The following SNX29 variants were observed in gnomAD, a reference collection of about 807,000 sequenced individuals.
SNX29 encodes the protein sorting nexin-29.
A neutral mutation model predicts 102.1 loss-of-function variants in SNX29; 78 were observed. That is an observed-to-expected ratio of 0.76 (90% CI 0.64 to 0.92). The LOEUF (loss-of-function observed/expected upper bound fraction) is 0.92. SNX29 is among the 40% of genes least tolerant of loss of function. The pLI is 0.00. For missense variants in SNX29, 1,280 were observed against 1,061.7 expected, an observed-to-expected ratio of 1.21 and a Z score of -2.86; for synonymous variants, 580 against 414.5, an observed-to-expected ratio of 1.40 and a Z score of -4.85.
chr16:12,550,569 A>G (rs916494444), intron 20 of SNX29, among the ~76,000 whole-genome samples: 10 of 151,910 alleles, frequency 6.6e-5, no homozygotes, highest in Non-Finnish European at 1.0e-4. Context: ...ATATGAGGAT[A>G]TATACTTCCA....
chr16:12,546,862 G>T (rs2077638376), intron 20 of SNX29, among the ~76,000 whole-genome samples: 1 of 152,354 alleles, frequency 6.6e-6, no homozygotes, highest in Middle Eastern at 3.4e-3. Context: ...TCACCAGTAA[G>T]ATCAGGCTGG....
intron 16 of SNX29, among the ~76,000 whole-genome samples, chr16:12,383,934 T>C (rs1209713689): frequency 6.6e-6 from 1 of 152,182 alleles, no homozygotes; most frequent in Non-Finnish European, 1.5e-5. Context: ...TCAATTGTTT[T>C]CATTTTTAGC....
intron 4 of SNX29, among the ~76,000 whole-genome samples, chr16:12,042,383 A>G (rs186739155): frequency 7.9e-5 from 12 of 152,284 alleles, no homozygotes; most frequent in Admixed American, 6.5e-4. Context: ...ACCTGGGTAC[A>G]TTGCGTGATG....
At chr16:12,560,273 C>T (rs1744204844) in intron 20 of SNX29, among the ~76,000 whole-genome samples, 1 of 152,058 alleles carries the variant, frequency 6.6e-6, no homozygotes. Flanking sequence ...AACACAGCAG[C>T]AATGTCACAG....
intron 20 of SNX29, among the ~76,000 whole-genome samples, chr16:12,555,979 T>C (rs2078318092): frequency 6.9e-6 from 1 of 145,278 alleles, no homozygotes; most frequent in Non-Finnish European, 1.5e-5. Flanking sequence ...TGGCTTTCAA[T>C]TTTCAAGTGT....
intron 19 of SNX29, chr16:12,515,741 C>G: frequency 2.5e-6 from 1 of 407,842 alleles, no homozygotes; most frequent in South Asian, 1.9e-5. Context: ...GGGGTCACAT[C>G]TGTTTGCCAA....
At chr16:12,362,433 G>C (rs1166752320) in intron 16 of SNX29, among the ~76,000 whole-genome samples, 1 of 152,054 alleles carries the variant, frequency 6.6e-6, no homozygotes, top group African/African-American at 2.4e-5. Flanking sequence ...CCCTTTTGAG[G>C]CTCAAAATCC....
Position 12,489,138 on chromosome 16 carries a change from G to A in SNX29, c.2178+11279G>A, listed in dbSNP as rs572881836. On this transcript the variant is annotated intron_variant, in intron 19 of 20. Coordinates refer to ENST00000566228, the MANE Select transcript of SNX29 (RefSeq NM_032167.5). ...TCACAACTTAGAAGAGTATTTCTTG[G>A]CTCTTACCCTTTTGAGTAGTTGGAG... is the stretch of plus-strand genomic sequence containing the variant. 4.6e-5 allele frequency among the ~76,000 whole-genome samples: 7 copies of A among 152,204 alleles called. No homozygotes were observed. In the South Asian group the frequency reaches 1.0e-3, roughly 23 times the overall value.
intron 14 of SNX29, among the ~76,000 whole-genome samples, chr16:12,253,334 G>T (rs1460876200): frequency 6.6e-6 from 1 of 152,228 alleles, no homozygotes; most frequent in East Asian, 1.9e-4. Flanking sequence ...GAATAAAACA[G>T]ATAAAAATTC....
intron 14 of SNX29, among the ~76,000 whole-genome samples, chr16:12,238,486 G>A (rs749520905): frequency 2.0e-5 from 3 of 152,062 alleles, no homozygotes; most frequent in Admixed American, 1.3e-4. Flanking sequence ...CCACCATGCC[G>A]GCCAATTTTT....
intron 15 of SNX29, among the ~76,000 whole-genome samples, chr16:12,291,086 G>T (rs998349670): frequency 7.9e-5 from 12 of 152,302 alleles, no homozygotes; most frequent in Admixed American, 2.0e-4. Context: ...TGTGGCAAAT[G>T]CTTGATACTT....
chr16:12,481,045 C>T (rs553338177), intron 19 of SNX29, among the ~76,000 whole-genome samples: 2 of 152,152 alleles, frequency 1.3e-5, no homozygotes, highest in African/African-American at 4.8e-5. Context: ...CTGCTCATCC[C>T]GAGGCTGATT....
intron 20 of SNX29, among the ~76,000 whole-genome samples, chr16:12,563,694 A>C (rs549115625): frequency 1.3e-5 from 2 of 152,286 alleles, no homozygotes; most frequent in South Asian, 2.1e-4. Flanking sequence ...GTCTGGCCTC[A>C]TGTAAGAGGA....
At chr16:12,107,153 ATTAG>A (rs1266725110) in intron 11 of SNX29, among the ~76,000 whole-genome samples, 3 of 152,084 alleles carry the variant, frequency 2.0e-5, no homozygotes, top group Non-Finnish European at 2.9e-5. Flanking sequence ...CTTGGCTGGA[ATTAG>A]TTAAACGGCC....
At chr16:12,430,679 A>C (rs2085273532) in intron 18 of SNX29, among the ~76,000 whole-genome samples, 1 of 152,232 alleles carries the variant, frequency 6.6e-6, no homozygotes, top group Non-Finnish European at 1.5e-5. Context: ...AATACATGAC[A>C]GGCTTTATTG....
intron 14 of SNX29, among the ~76,000 whole-genome samples, chr16:12,240,578 G>T (rs1316086450): frequency 5.3e-5 from 4 of 74,982 alleles, no homozygotes; most frequent in South Asian, 8.1e-4. Context: ...GCATTTCTTT[G>T]TCATTTCTTT....
At chr16:12,366,807 C>T (rs1230096002) in intron 16 of SNX29, among the ~76,000 whole-genome samples, 1 of 151,612 alleles carries the variant, frequency 6.6e-6, no homozygotes, top group Non-Finnish European at 1.5e-5. Context: ...CCTTTTGTTT[C>T]TCTCTCTGCT....
At chr16:12,191,169 G>T (rs142269156) in intron 13 of SNX29, among the ~76,000 whole-genome samples, 5 of 152,262 alleles carry the variant, frequency 3.3e-5, no homozygotes, top group African/African-American at 7.2e-5. Flanking sequence ...TCACAATAGG[G>T]TTCGTGCTCC....
rs117953316 is a variant in SNX29, at chr16:12,083,671, C to T, written c.1402+4756C>T. ...TGAGTTGTCCCAGGAGTGAGTGTCG[C>T]AAATGCCGTCCCAGTTCAGATGGAG... is the stretch of plus-strand genomic sequence containing the variant. On this transcript the variant is annotated intron_variant, in intron 11 of 20. Transcript: ENST00000566228. 9.4e-3 allele frequency among the ~76,000 whole-genome samples: 1,428 copies of T among 152,314 alleles called. 24 individuals carry two copies. Among genetic ancestry groups the T allele is most frequent in the Non-Finnish European group, 0.01 (710 of 68,022 alleles).
Sources: gnomAD v4.1 joint callset for allele counts (sites outside exome capture counted in the v4.1 genomes callset) on GRCh38, gnomAD v4.1.1 for gene constraint, MANE v1.5 for transcripts, NCBI Gene and HGNC (gene_info 2026-07-23, HGNC 2026-07-21) for gene names.